The following SLC25A48 variants were observed in gnomAD, a reference collection of about 807,000 sequenced individuals.
SLC25A48 encodes the protein CTC-321K16.1.
Under a neutral mutation model 32.2 loss-of-function variants are expected in SLC25A48, and 29 were observed. The ratio of observed to expected loss-of-function variants is 0.90; its 90% CI spans 0.67 to 1.23. The LOEUF is 1.23. SLC25A48 is among the 50% of genes most tolerant of loss of function. The pLI is 0.00. For synonymous variants in SLC25A48, 164 were observed against 172.3 expected (o/e 0.95, Z 0.38); for missense variants, 399 against 422.7 (o/e 0.94, Z 0.49).
At chr5:135,881,970 C>T (rs1277373264) in intron 7 of SLC25A48, among the ~76,000 whole-genome samples, 2 of 152,222 alleles carry the variant, frequency 1.3e-5, no homozygotes, top group African/African-American at 4.8e-5. Context: ...GATGCCTGCC[C>T]AACCTGTCGT....
At chr5:135,636,516 G>A (rs919297655) in intron 3 of SLC25A48, among the ~76,000 whole-genome samples, 1 of 152,184 alleles carries the variant, frequency 6.6e-6, no homozygotes, top group Non-Finnish European at 1.5e-5. Flanking sequence ...TATGGAAAGG[G>A]ACCAGTTTCT....
At chr5:135,590,174 C>A (rs1343370676) in intron 1 of SLC25A48, among the ~76,000 whole-genome samples, 1 of 152,194 alleles carries the variant, frequency 6.6e-6, no homozygotes, top group Non-Finnish European at 1.5e-5. Context: ...CAAGATAAAA[C>A]CCTTTTAAGG....
At chr5:135,591,973 G>A (rs1751538248) in intron 1 of SLC25A48, among the ~76,000 whole-genome samples, 1 of 152,116 alleles carries the variant, frequency 6.6e-6, no homozygotes, top group Non-Finnish European at 1.5e-5. Context: ...AGGCAGTGAG[G>A]AACTCCTGGG....
At chr5:135,830,854 C>T (rs917201203), upstream of SLC25A48, among the ~76,000 whole-genome samples, 1 of 152,142 alleles carries the variant, frequency 6.6e-6, no homozygotes, top group Non-Finnish European at 1.5e-5. Context: ...GAAAATGTCA[C>T]GGTGGCAGAT....
intron 3 of SLC25A48, among the ~76,000 whole-genome samples, chr5:135,795,252 G>A (rs573365084): frequency 1.3e-5 from 2 of 151,940 alleles, no homozygotes; most frequent in East Asian, 1.9e-4. Flanking sequence ...ATCGCAGAAG[G>A]TGTACACCCC....
At chr5:135,777,036 G>A (rs1756582407) in intron 3 of SLC25A48, among the ~76,000 whole-genome samples, 1 of 151,332 alleles carries the variant, frequency 6.6e-6, no homozygotes, top group Non-Finnish European at 1.5e-5. Flanking sequence ...CTAATATCCA[G>A]GGGAAGAGAG....
intron 4 of SLC25A48, among the ~76,000 whole-genome samples, chr5:135,855,529 G>A (rs1004661043): frequency 1.3e-5 from 2 of 152,198 alleles, no homozygotes; most frequent in Admixed American, 1.3e-4. Context: ...AAGAACACAC[G>A]ATTAGCCACT....
At chr5:135,602,626 T>TA (rs1751826102) in intron 1 of SLC25A48, among the ~76,000 whole-genome samples, 1 of 151,590 alleles carries the variant, frequency 6.6e-6, no homozygotes, top group Non-Finnish European at 1.5e-5. Context: ...TTTTTTTTTT[T>TA]ATTATACTTT....
At chr5:135,626,581 C>T (rs1323272220) in intron 1 of SLC25A48, among the ~76,000 whole-genome samples, 1 of 152,130 alleles carries the variant, frequency 6.6e-6, no homozygotes, top group Non-Finnish European at 1.5e-5. Context: ...TGTGTGTGTG[C>T]TTGCATACAT....
chr5:135,658,312 C>A (rs192534780), intron 3 of SLC25A48, among the ~76,000 whole-genome samples: 1 of 152,178 alleles, frequency 6.6e-6, no homozygotes, highest in African/African-American at 2.4e-5. Context: ...CCCAGCAAGG[C>A]AGTCATTAAA....
chr5:135,866,082 A>G (rs4487482), intron 4 of SLC25A48, among the ~76,000 whole-genome samples: 23,418 of 152,204 alleles, frequency 0.15, 2,016 homozygotes, highest in Middle Eastern at 0.23. Context: ...GTGAAAACCC[A>G]CACATCCCTG....
intron 4 of SLC25A48, among the ~76,000 whole-genome samples, chr5:135,868,742 A>G (rs890471745): frequency 6.6e-6 from 1 of 152,150 alleles, no homozygotes. Context: ...AAGAAAAAGG[A>G]TAAGTTTGGG....
chr5:135,725,540 G>T (rs1227702768), intron 3 of SLC25A48, among the ~76,000 whole-genome samples: 1 of 152,146 alleles, frequency 6.6e-6, no homozygotes. Context: ...AGAGTAAGAG[G>T]ATTCCTAACC....
At chr5:135,664,455 A>G (rs1364281389) in intron 3 of SLC25A48, among the ~76,000 whole-genome samples, 2 of 152,194 alleles carry the variant, frequency 1.3e-5, no homozygotes, top group East Asian at 1.9e-4. Flanking sequence ...TTTTATTTCA[A>G]TAACTTTTAG....
intron 3 of SLC25A48, among the ~76,000 whole-genome samples, chr5:135,721,507 A>G (rs1754955885): frequency 6.6e-6 from 1 of 151,796 alleles, no homozygotes; most frequent in South Asian, 2.1e-4. Context: ...CCGGCCTCCC[A>G]CTCACATTTT....
chr5:135,787,303 ATAT>A (rs1756872319), intron 3 of SLC25A48, among the ~76,000 whole-genome samples: 1 of 152,056 alleles, frequency 6.6e-6, no homozygotes, highest in African/African-American at 2.4e-5. Context: ...ACAATCTGTG[ATAT>A]TATTCATAAT....
chr5:135,761,125 A>AC (rs898526280), intron 3 of SLC25A48, among the ~76,000 whole-genome samples: 61 of 151,506 alleles, frequency 4.0e-4, no homozygotes, highest in African/African-American at 1.2e-3. Flanking sequence ...ACATGGTGAG[A>AC]CCCCCCCATC....
At chr5:135,760,773 AT>A (rs1013607666) in intron 3 of SLC25A48, among the ~76,000 whole-genome samples, 1 of 152,134 alleles carries the variant, frequency 6.6e-6, no homozygotes, top group African/African-American at 2.4e-5. Context: ...TTAATCTCAA[AT>A]TTCTGATATT....
chr5:135,743,655 G>A (rs899813144), intron 3 of SLC25A48, among the ~76,000 whole-genome samples: 2 of 152,104 alleles, frequency 1.3e-5, no homozygotes, highest in Admixed American at 6.5e-5. Context: ...GTTAAGCCTG[G>A]AAACCTCCCA....
Sources: gnomAD v4.1 joint callset for allele counts (sites outside exome capture counted in the v4.1 genomes callset) on GRCh38, gnomAD v4.1.1 for gene constraint, MANE v1.5 for transcripts, NCBI Gene and HGNC (gene_info 2026-07-23, HGNC 2026-07-21) for gene names.